The following DOCK1 variants were observed in gnomAD, a reference collection of about 807,000 sequenced individuals.
DOCK1 encodes dedicator of cytokinesis 1.
Under a neutral mutation model 262.7 loss-of-function variants are expected in DOCK1, and 138 were observed. The ratio of observed to expected loss-of-function variants is 0.53; its 90% CI spans 0.46 to 0.61. The LOEUF is 0.61. DOCK1 is among the 20% of genes least tolerant of loss of function. DOCK1 has a pLI of 0.00. For missense variants in DOCK1, 1,908 were observed against 2,370.7 expected (o/e 0.80, Z 4.05); for synonymous variants, 866 against 867.4 (o/e 1.00, Z 0.03).
At chr10:127,195,530 C>T (rs542135435) in intron 27 of DOCK1, among the ~76,000 whole-genome samples, 1 of 152,038 alleles carries the variant, frequency 6.6e-6, no homozygotes, top group Non-Finnish European at 1.5e-5. Context: ...TCATCCCCCC[C>T]CCGAAGTTAA....
At chr10:127,203,722 G>A (rs12246104) in intron 27 of DOCK1, among the ~76,000 whole-genome samples, 19,342 of 151,622 alleles carry the variant, frequency 0.13, 1,351 homozygotes, top group African/African-American at 0.17. Flanking sequence ...GCACGGTAGG[G>A]CTGCGGATCT....
chr10:127,444,304 G>A (rs763254411), intron 50 of DOCK1, 25 bp downstream of exon 50: 44 of 1,574,164 alleles, frequency 2.8e-5, no homozygotes, highest in Non-Finnish European at 1.5e-5. Context: ...CCCCACATAC[G>A]AATCGTGCTA....
chr10:127,331,366 C>A (rs561330935), intron 29 of DOCK1, among the ~76,000 whole-genome samples: 2 of 152,186 alleles, frequency 1.3e-5, no homozygotes, highest in African/African-American at 4.8e-5. Context: ...TCTGCAACTT[C>A]TGCCTCCCAG....
chr10:127,427,843 G>A (rs1392137819), intron 47 of DOCK1, among the ~76,000 whole-genome samples: 1 of 152,256 alleles, frequency 6.6e-6, no homozygotes, highest in African/African-American at 2.4e-5. Flanking sequence ...AGGACCTGGT[G>A]TCCCTCAGAT....
chr10:127,310,410 A>T (rs2062023781), intron 29 of DOCK1, among the ~76,000 whole-genome samples: 2 of 152,088 alleles, frequency 1.3e-5, no homozygotes, highest in Admixed American at 1.3e-4. Context: ...AGGGAGAATC[A>T]CGGGAGGCCA....
intron 26 of DOCK1, among the ~76,000 whole-genome samples, chr10:127,125,923 T>G (rs2133081438): frequency 6.6e-6 from 1 of 152,224 alleles, no homozygotes; most frequent in Middle Eastern, 3.4e-3. Context: ...CTGCATTCTT[T>G]CTTCTTATTT....
chr10:126,984,658 C>T (rs990881483), intron 4 of DOCK1, among the ~76,000 whole-genome samples: 9 of 151,846 alleles, frequency 5.9e-5, no homozygotes, highest in South Asian at 4.2e-4. Context: ...TGTGAGCCAC[C>T]GCACCCGGCC....
chr10:127,121,018 A>C (rs904368113), intron 25 of DOCK1, among the ~76,000 whole-genome samples: 1 of 152,154 alleles, frequency 6.6e-6, no homozygotes, highest in African/African-American at 2.4e-5. Flanking sequence ...AGACCTAGAG[A>C]GTTTAAGTAA....
rs141462424 is a variant in DOCK1 at position 127,437,046 on chromosome 10, G to A, written c.5061-1981G>A. 3.6e-4 allele frequency among the ~76,000 whole-genome samples: 55 copies of A among 152,146 alleles called. No homozygotes were observed. The highest frequency in any genetic ancestry group is 1.3e-3 in the African/African-American group (54 of 41,496). The stretch of plus-strand genomic sequence containing the variant: ...CGTGCCCTATCGCATTGTTTAATTC[G>A]CGTCTCGATTCTCCATATTCCCTGC... On this transcript the variant is annotated intron_variant, in intron 48 of 51. Transcript: ENST00000623213. This position sits in a 1 kb window ranked among gnomAD's most constrained non-coding sequence, Gnocchi z 4.4.
intron 18 of DOCK1, among the ~76,000 whole-genome samples, chr10:127,037,092 T>G (rs1019533430): frequency 9.9e-5 from 15 of 152,026 alleles, no homozygotes; most frequent in Admixed American, 8.5e-4. Context: ...CATTCCTTGC[T>G]TTTTCTATAT....
chr10:127,341,787 G>A lies in DOCK1; in HGVS notation c.3124-1859G>A, dbSNP rs543910642. Reference sequence around the variant, plus strand: ...TGCTTCAGGGCCCACATCGAGCGTCGCCCCTTGGCAGGTGTGACACACATA... The same window carrying A: ...TGCTTCAGGGCCCACATCGAGCGTCACCCCTTGGCAGGTGTGACACACATA... On this transcript the variant is annotated intron_variant, in intron 30 of 51. Transcript: ENST00000623213. Among the ~76,000 whole-genome samples the A allele has an allele frequency of 7.9e-5, 12 of 152,268 alleles. 1 individual carries two copies. The South Asian group carries it at 2.3e-3, about 29-fold the overall frequency.
At chr10:127,003,113 T>A (rs979471406) in intron 10 of DOCK1, among the ~76,000 whole-genome samples, 1 of 151,906 alleles carries the variant, frequency 6.6e-6, no homozygotes, top group African/African-American at 2.4e-5. Flanking sequence ...TGAACCCACG[T>A]GAACCTTTAT....
chr10:126,977,848 A>T (rs1484710820), intron 2 of DOCK1, 100 bp from the exon 3 acceptor site: 4 of 1,175,504 alleles, frequency 3.4e-6, no homozygotes, highest in East Asian at 4.8e-5. Flanking sequence ...AACTGACCTC[A>T]CTGGTTCTGC....
At chr10:127,188,532 A>G (rs1443628235) in intron 27 of DOCK1, among the ~76,000 whole-genome samples, 1 of 152,148 alleles carries the variant, frequency 6.6e-6, no homozygotes, top group Non-Finnish European at 1.5e-5. Context: ...TTGCACAGTG[A>G]ATAACTCTGG....
chr10:127,434,414 G>C (rs1327750024), intron 48 of DOCK1, among the ~76,000 whole-genome samples: 1 of 151,988 alleles, frequency 6.6e-6, no homozygotes, highest in Non-Finnish European at 1.5e-5. Flanking sequence ...GCTCACTGCA[G>C]CCTCCACTTC....
chr10:126,926,992 G>C (rs547264420), intron 1 of DOCK1, among the ~76,000 whole-genome samples: 14 of 151,060 alleles, frequency 9.3e-5, no homozygotes, highest in African/African-American at 3.4e-4. Context: ...TTGAGACACA[G>C]GGGAAAAAGT....
At chr10:127,285,079 A>T (rs750753027) in intron 29 of DOCK1, among the ~76,000 whole-genome samples, 4 of 151,254 alleles carry the variant, frequency 2.6e-5, no homozygotes, top group Non-Finnish European at 5.9e-5. Flanking sequence ...TCGAGGCTGC[A>T]GTGAGTCGTG....
At chr10:127,213,690 T>G (rs1415346427) in intron 27 of DOCK1, among the ~76,000 whole-genome samples, 2 of 152,226 alleles carry the variant, frequency 1.3e-5, no homozygotes, top group African/African-American at 4.8e-5. Context: ...CCTTATTTAT[T>G]TATTTTTTGT....
At chr10:127,033,761 G>T (rs1304852230) in intron 18 of DOCK1, among the ~76,000 whole-genome samples, 1 of 152,166 alleles carries the variant, frequency 6.6e-6, no homozygotes. Context: ...ACATTGTAGT[G>T]GAGCGTGCAC....
Sources: gnomAD v4.1 joint callset for allele counts (sites outside exome capture counted in the v4.1 genomes callset) on GRCh38, gnomAD v4.1.1 for gene constraint, Gnocchi (gnomAD v3.1) non-coding constraint, MANE v1.5 for transcripts, NCBI Gene and HGNC (gene_info 2026-07-23, HGNC 2026-07-21) for gene names.